The following PCGF5 variants were observed in gnomAD, a reference collection of about 807,000 sequenced individuals.
The protein encoded by PCGF5 is polycomb group ring finger 5, also known as polycomb group RING finger protein 5.
In PCGF5, 9 loss-of-function variants were observed where a neutral mutation model predicts 44.3. The ratio of observed to expected loss-of-function variants is 0.20; its 90% CI spans 0.12 to 0.35. The LOEUF is 0.35. PCGF5 is among the 10% of genes least tolerant of loss of function. PCGF5 has a pLI of 1.00. For synonymous variants in PCGF5, 95 were observed against 102.5 expected, an observed-to-expected ratio of 0.93 and a Z score of 0.44; for missense variants, 146 against 305.3, an observed-to-expected ratio of 0.48 and a Z score of 3.89.
rs7080584 is a variant in PCGF5 at position 91,226,864 on chromosome 10, C to T, written c.112+3881C>T. Among the ~76,000 whole-genome samples, 1,098 of 152,152 alleles carry T rather than the reference C, an allele frequency of 7.2e-3. 11 individuals carry two copies. The highest frequency in any genetic ancestry group is 0.025 in the African/African-American group (1,034 of 41,452). On this transcript the variant is annotated intron_variant, in intron 2 of 9. Transcript: ENST00000336126. Reference sequence around the variant, plus strand: ...ATAAAAACCACATATTTAGACTCTTCTTACCTACTAATACCTCTTCCCTTC... The same window carrying T: ...ATAAAAACCACATATTTAGACTCTTTTTACCTACTAATACCTCTTCCCTTC...
chr10:91,258,063 A>G (rs1845801238), intron 6 of PCGF5, among the ~76,000 whole-genome samples: 1 of 152,136 alleles, frequency 6.6e-6, no homozygotes, highest in Admixed American at 6.6e-5. Flanking sequence ...GTCACATATT[A>G]TGTGATTCCA....
chr10:91,204,693 T>C (rs111763746), intron 1 of PCGF5, among the ~76,000 whole-genome samples: 1,526 of 152,286 alleles, frequency 0.01, 25 homozygotes, highest in African/African-American at 0.032. Context: ...ATAACAAAAG[T>C]TCCCCACTGC....
At chr10:91,218,758 G>T (rs1429529796), upstream of PCGF5, among the ~76,000 whole-genome samples, 2 of 151,858 alleles carry the variant, frequency 1.3e-5, no homozygotes, top group African/African-American at 2.4e-5. Context: ...TCTGCCTCCT[G>T]AGTAGCTGGG....
At chr10:91,182,889 G>A (rs1327918970) in intron 1 of PCGF5, among the ~76,000 whole-genome samples, 1 of 152,158 alleles carries the variant, frequency 6.6e-6, no homozygotes, top group Non-Finnish European at 1.5e-5. Context: ...AAGTAATTCA[G>A]GAGCAGGTTA....
intron 1 of PCGF5, among the ~76,000 whole-genome samples, chr10:91,188,353 A>G (rs187255456): frequency 3.2e-4 from 48 of 152,332 alleles, no homozygotes; most frequent in African/African-American, 1.1e-3. Flanking sequence ...GGATGATTCT[A>G]TTGGCTCTAA....
chr10:91,244,758 T>C (rs1845415457), intron 3 of PCGF5, among the ~76,000 whole-genome samples: 1 of 152,102 alleles, frequency 6.6e-6, no homozygotes, highest in Non-Finnish European at 1.5e-5. Flanking sequence ...GGATATAGGA[T>C]ATGGGATAAA....
intron 3 of PCGF5, among the ~76,000 whole-genome samples, chr10:91,247,068 A>C (rs1300088475): frequency 6.6e-6 from 1 of 152,116 alleles, no homozygotes; most frequent in Non-Finnish European, 1.5e-5. Flanking sequence ...GATGAAATCC[A>C]CAAGGAAGAC....
chr10:91,210,842 G>T (rs890015731), intron 1 of PCGF5, among the ~76,000 whole-genome samples: 11 of 152,194 alleles, frequency 7.2e-5, no homozygotes, highest in African/African-American at 2.4e-4. Flanking sequence ...ATGTATTCTG[G>T]AGATAGTAGT....
chr10:91,191,556 A>AGAG (rs1293287764), intron 1 of PCGF5, among the ~76,000 whole-genome samples: 2 of 152,244 alleles, frequency 1.3e-5, no homozygotes, highest in Non-Finnish European at 2.9e-5. Flanking sequence ...GGAGTACTGC[A>AGAG]CTTTTTCCTA....
intron 2 of PCGF5, among the ~76,000 whole-genome samples, chr10:91,231,068 CA>C (rs1844989749): frequency 6.6e-6 from 1 of 152,070 alleles, no homozygotes. Flanking sequence ...CTTTAATTGT[CA>C]AAAAAATTAC....
chr10:91,195,032 C>G (rs1164135200), intron 1 of PCGF5, among the ~76,000 whole-genome samples: 1 of 151,926 alleles, frequency 6.6e-6, no homozygotes. Flanking sequence ...GAGTTCTCTT[C>G]TGATGACTCA....
chr10:91,158,241 C>G (rs935617578), upstream of PCGF5, among the ~76,000 whole-genome samples: 1 of 152,118 alleles, frequency 6.6e-6, no homozygotes, highest in Non-Finnish European at 1.5e-5. Context: ...CCAGCTGCCC[C>G]AAAAATGTCT....
chr10:91,203,109 A>G (rs1844282926), intron 1 of PCGF5, among the ~76,000 whole-genome samples: 1 of 152,136 alleles, frequency 6.6e-6, no homozygotes, highest in African/African-American at 2.4e-5. Flanking sequence ...CTACCAGCAA[A>G]CCCCTTGGTA....
intron 1 of PCGF5, among the ~76,000 whole-genome samples, chr10:91,163,391 T>C (rs1338179842): frequency 1.3e-5 from 2 of 151,488 alleles, no homozygotes; most frequent in Non-Finnish European, 2.9e-5. Context: ...CGCCTTCCAG[T>C]CCTGGCCGCG....
At chr10:91,275,835 C>T (rs1014647348) in intron 9 of PCGF5, among the ~76,000 whole-genome samples, 7 of 151,934 alleles carry the variant, frequency 4.6e-5, no homozygotes, top group East Asian at 1.9e-4. Context: ...CTAGCAGTTC[C>T]GCTTTTAGGA....
chr10:91,245,631 C>A (rs1263293505), intron 3 of PCGF5, among the ~76,000 whole-genome samples: 1 of 151,890 alleles, frequency 6.6e-6, no homozygotes, highest in African/African-American at 2.4e-5. Flanking sequence ...ATCTCACAGC[C>A]TAAGAGGAGA....
Position 91,175,121 on chromosome 10 carries a change from T to C in PCGF5, c.-184+12040T>C, listed in dbSNP as rs73325274. ...CATAAGCCTGAAAATGAGGGATAGG[T>C]GGAAAATCTGTAAGGGAACTAGATC... On this transcript the variant is annotated intron_variant, in intron 1 of 9. Transcript: ENST00000614189. Among the ~76,000 whole-genome samples the C allele has an allele frequency of 6.4e-3, 978 of 152,254 alleles. 15 individuals are homozygous for C. Among genetic ancestry groups the C allele is most frequent in the African/African-American group, 0.022 (905 of 41,556 alleles).
intron 1 of PCGF5, among the ~76,000 whole-genome samples, chr10:91,201,679 G>T (rs991654525): frequency 1.3e-5 from 2 of 150,576 alleles, no homozygotes; most frequent in Non-Finnish European, 3.0e-5. Flanking sequence ...TAACACTACT[G>T]TAACACCTCA....
intron 9 of PCGF5, among the ~76,000 whole-genome samples, chr10:91,275,463 A>T (rs1442616203): frequency 2.7e-5 from 4 of 147,548 alleles, no homozygotes; most frequent in Non-Finnish European, 4.5e-5. Flanking sequence ...TTTTTTTGAG[A>T]TGGAATCTTG....
Sources: allele counts gnomAD v4.1 joint callset (sites outside exome capture counted in the v4.1 genomes callset), GRCh38; gene constraint gnomAD v4.1.1; transcripts MANE v1.5; gene names NCBI Gene and HGNC (gene_info 2026-07-23, HGNC 2026-07-21).